SYBU: variants seen among roughly 807,000 people sequenced by gnomAD.
SYBU encodes the protein syntabulin.
In SYBU, 21 loss-of-function variants were observed where a neutral mutation model predicts 35.9. The observed-to-expected ratio is 0.58, with a 90% CI of 0.41 to 0.84. The LOEUF (loss-of-function observed/expected upper bound fraction) is 0.84. Ranked by LOEUF, SYBU falls within the 40% of genes least tolerant of loss-of-function variation. The probability of loss-of-function intolerance (pLI) is 0.00; values close to 1 mark genes in which losing one functional copy is unlikely to be tolerated. For synonymous variants in SYBU, 319 were observed against 324.3 expected (o/e 0.98, Z 0.18); for missense variants, 768 against 848.2 (o/e 0.91, Z 1.17).
In SYBU at chr8:109,575,371, C is replaced by T; in HGVS notation, c.1527G>A (p.Lys509=). The change falls in exon 7 of 7, where the codon AAG becomes AAA. Residue 509 remains lysine, a synonymous_variant. Coordinates refer to ENST00000276646, the MANE Select transcript of SYBU (RefSeq NM_001099754.2). ...AGCTCGAGGGACAGGGGTCCTGGAG[C>T]TTCTGCAGCACACTCTGAATGAGCT... ...ISELIQSVLQ[K]LQDPCPSSLA... 3.7e-6 allele frequency: 6 copies of T among 1,614,146 alleles called. No individual in the cohort carries two copies. The highest frequency in any genetic ancestry group is 5.1e-6 in the Non-Finnish European group (6 of 1,180,030).
intron 4 of SYBU, chr8:109,581,035 A>G (rs980501738): frequency 1.3e-5 from 2 of 152,172 alleles, no homozygotes; most frequent in Non-Finnish European, 2.9e-5. Context: ...AGCCTTCTCT[A>G]TATTCTTCCT....
intron 3 of SYBU, chr8:109,607,866 G>A: frequency 2.3e-6 from 2 of 851,998 alleles, no homozygotes; most frequent in Non-Finnish European, 3.7e-6. Context: ...TCTAGCCTCT[G>A]TGATCCAATA....
chr8:109,576,068 A>AC, intron 6 of SYBU, 55 bp from the exon 7 acceptor site: 4 of 1,351,360 alleles, frequency 3.0e-6, no homozygotes, highest in Non-Finnish European at 3.9e-6. Flanking sequence ...AAAAAAAAAA[A>AC]AACTTTCAAC....
At chr8:109,622,215 A>G (rs1402663735) in intron 2 of SYBU, among the ~76,000 whole-genome samples, 2 of 142,712 alleles carry the variant, frequency 1.4e-5, no homozygotes, top group Non-Finnish European at 3.0e-5. Flanking sequence ...CTATCTATCT[A>G]TCTATCTATC....
intron 1 of SYBU, among the ~76,000 whole-genome samples, chr8:109,660,613 G>A (rs1178231731): frequency 1.3e-5 from 2 of 152,070 alleles, no homozygotes; most frequent in African/African-American, 4.8e-5. Context: ...GAAAATATGG[G>A]AGCTGAAAGA....
intron 3 of SYBU, chr8:109,607,845 CACACACACAG>C (rs2130179088): frequency 3.4e-6 from 3 of 872,136 alleles, no homozygotes; most frequent in Non-Finnish European, 5.4e-6. Context: ...CACACACACA[CACACACACAG>C]TCTAGCCTCT....
chr8:109,649,662 TC>T (rs1816035776), upstream of SYBU, among the ~76,000 whole-genome samples: 1 of 152,106 alleles, frequency 6.6e-6, no homozygotes, highest in Admixed American at 6.6e-5. Context: ...TGAGATAGCC[TC>T]CCCCAAAATG....
chr8:109,669,976 A>T lies in SYBU; in HGVS notation c.-129+10735T>A, dbSNP rs80058658. On this transcript the variant is annotated intron_variant, in intron 1 of 5. Transcript: ENST00000408889. ...TTAGCAGGCTTAGGTCAAACAAAAA[A>T]GGTCAGTAATGGTAACAGAATTATG... Among the ~76,000 whole-genome samples the T allele has an allele frequency of 3.4e-3, 518 of 152,338 alleles. 2 individuals are homozygous for T. The highest frequency in any genetic ancestry group is 0.012 in the African/African-American group (486 of 41,578).
intron 3 of SYBU, among the ~76,000 whole-genome samples, chr8:109,617,599 GTC>G (rs748953734): frequency 7.9e-5 from 12 of 152,092 alleles, no homozygotes; most frequent in Non-Finnish European, 1.3e-4. Context: ...TTAACTCATT[GTC>G]TCTTTCTTAA....
chr8:109,621,479 T>A (rs1586855684), intron 2 of SYBU, among the ~76,000 whole-genome samples: 1 of 152,292 alleles, frequency 6.6e-6, no homozygotes, highest in East Asian at 1.9e-4. Flanking sequence ...TCTTACAGGA[T>A]TTAAACCACT....
intron 6 of SYBU, 105 bp downstream of exon 6, chr8:109,577,763 T>C (rs1458742514): frequency 1.6e-6 from 2 of 1,276,230 alleles, no homozygotes; most frequent in Admixed American, 5.2e-5. Flanking sequence ...CAAAATTGAA[T>C]ACAATCATTT....
chr8:109,668,003 A>G (rs1816818850), intron 1 of SYBU, among the ~76,000 whole-genome samples: 1 of 152,144 alleles, frequency 6.6e-6, no homozygotes, highest in South Asian at 2.1e-4. Flanking sequence ...ACACCACCAC[A>G]AAGCTTGTAA....
chr8:109,642,986 A>G (rs1359625305), intron 1 of SYBU, 54 bp from the exon 2 acceptor site: 1 of 1,458,066 alleles, frequency 6.9e-7, no homozygotes, highest in Admixed American at 2.6e-5. Flanking sequence ...TCCCTCTCTT[A>G]ACTCCTGTCG....
intron 2 of SYBU, among the ~76,000 whole-genome samples, chr8:109,636,900 A>G (rs963533211): frequency 6.6e-6 from 1 of 152,214 alleles, no homozygotes; most frequent in Non-Finnish European, 1.5e-5. Flanking sequence ...TAGAGTCAGC[A>G]ACTACAATTT....
chr8:109,575,973 T>C lies in SYBU; in HGVS notation c.925A>G (p.Met309Val). The part of the protein sequence containing the change: ...IVELKSQLAR[M>V]REDWIEEECH... ...TCCTCCTCAATCCAGTCCTCTCGCATGCGGGCCAGCTGGGACTTAAGCTCC... is the reference window on the plus strand; with the variant it reads ...TCCTCCTCAATCCAGTCCTCTCGCACGCGGGCCAGCTGGGACTTAAGCTCC... Residue 309 changes from methionine to valine, a missense_variant, in exon 7 of 7, where the codon ATG becomes GTG. Met to Val is a conservative substitution (Grantham distance 21). Coordinates refer to ENST00000276646, the MANE Select transcript of SYBU (RefSeq NM_001099754.2). 3.7e-6 allele frequency: 6 copies of C among 1,606,058 alleles called. No individual in the cohort carries two copies. The highest frequency in any genetic ancestry group is 5.1e-6 in the Non-Finnish European group (6 of 1,179,018).
chr8:109,580,342 C>CTGTT (rs1325700618), intron 4 of SYBU: 1 of 216,108 alleles, frequency 4.6e-6, no homozygotes, highest in East Asian at 1.0e-4. Flanking sequence ...ATTTTGGAGG[C>CTGTT]TGTTTTCAAG....
Position 109,644,747 on chromosome 8 carries a change from A to C in SYBU, c.-88T>G. ...AGCACGGAGCGAGGAGACTGCGCTGAGCCGGCGCGGGCTGCGGGCGGCGGC... is the reference window on the plus strand; with the variant it reads ...AGCACGGAGCGAGGAGACTGCGCTGCGCCGGCGCGGGCTGCGGGCGGCGGC... On this transcript the variant is annotated 5_prime_UTR_variant, in exon 1 of 7. Coordinates refer to ENST00000276646, the MANE Select transcript of SYBU (RefSeq NM_001099754.2). 1 of 1,273,430 alleles carries C rather than the reference A, an allele frequency of 7.9e-7. No homozygotes were observed. 78.9% of individuals were successfully genotyped at this position (1,273,430 alleles called of 1,614,324 possible).
At chr8:109,612,720 C>A (rs1231950170) in intron 3 of SYBU, among the ~76,000 whole-genome samples, 1 of 134,854 alleles carries the variant, frequency 7.4e-6, no homozygotes, top group African/African-American at 3.1e-5. Context: ...TGGCTCACGC[C>A]TGTAATCCCA....
chr8:109,690,401 CTT>C (rs983635076), intron 1 of SYBU, among the ~76,000 whole-genome samples: 1 of 152,180 alleles, frequency 6.6e-6, no homozygotes, highest in African/African-American at 2.4e-5. Flanking sequence ...CTGGCAGAAA[CTT>C]TAAGTTGAAG....
Sources: gnomAD v4.1 joint callset for allele counts (sites outside exome capture counted in the v4.1 genomes callset) on GRCh38, gnomAD v4.1.1 for gene constraint, MANE v1.5 for transcripts, NCBI Gene and HGNC (gene_info 2026-07-23, HGNC 2026-07-21) for gene names.